The following SIRT3 variants were observed in gnomAD, a reference collection of about 807,000 sequenced individuals.
SIRT3 encodes the protein sirtuin 3.
In SIRT3, 26 loss-of-function variants were observed where a neutral mutation model predicts 33.5. The observed-to-expected ratio is 0.78, with a 90% CI of 0.57 to 1.08. The LOEUF (loss-of-function observed/expected upper bound fraction) is 1.08, where lower values mean the gene tolerates loss of function less well. SIRT3 is among the 50% of genes least tolerant of loss of function. SIRT3 has a pLI of 0.00. For synonymous variants in SIRT3, 237 were observed against 222.1 expected, an observed-to-expected ratio of 1.07 and a Z score of -0.60; for missense variants, 585 against 530.1, an observed-to-expected ratio of 1.10 and a Z score of -1.02.
At chr11:232,050 T>G (rs1435599204) in intron 3 of SIRT3, among the ~76,000 whole-genome samples, 1 of 152,148 alleles carries the variant, frequency 6.6e-6, no homozygotes, top group Admixed American at 6.5e-5. Context: ...GTGACCATAT[T>G]AAGGAATTAC....
At chr11:229,628 A>G (rs1483452764) in intron 4 of SIRT3, among the ~76,000 whole-genome samples, 1 of 149,396 alleles carries the variant, frequency 6.7e-6, no homozygotes, top group East Asian at 2.0e-4. Context: ...GCATGGTGGC[A>G]GGCACCTGTA....
At chr11:232,047 TATTAAGGAATTA>T in intron 3 of SIRT3, among the ~76,000 whole-genome samples, 1 of 152,226 alleles carries the variant, frequency 6.6e-6, no homozygotes, top group Non-Finnish European at 1.5e-5. Flanking sequence ...AGTGTGACCA[TATTAAGGAATTA>T]CTAGTGATTC....
In SIRT3 at chr11:233,056, G is replaced by C; in HGVS notation, c.633C>G (p.Tyr211Ter). 1 of 1,614,180 alleles carries C rather than the reference G, an allele frequency of 6.2e-7. No individual in the cohort carries two copies. ...PGNYKPNVTH[Y>*]FLRLLHDKGL... ...CCTTGTCATGAAGCAGCCGGAGAAA[G>C]TAGTGAGTGACGTTGGGCTTGTAGT... Residue 211 changes from tyrosine (Y) to a stop codon, truncating the protein, a stop_gained, in exon 3 of 7, where the codon TAC becomes TAG. Coordinates refer to ENST00000382743, the MANE Select transcript of SIRT3 (RefSeq NM_012239.6). LOFTEE classifies it high-confidence loss of function.
At chr11:225,920 GA>G (rs2133873742) in intron 4 of SIRT3, 1 of 152,334 alleles carries the variant, frequency 6.6e-6, no homozygotes, top group African/African-American at 2.4e-5. Flanking sequence ...GTGCCCACAG[GA>G]AAAACATGAG....
At position 223,248 on chromosome 11, in the gene SIRT3, C is replaced by A. The variant is rs1856670807; in HGVS notation, c.969+830G>T. 1.2e-5 allele frequency: 2 copies of A among 167,720 alleles called. No individual in the cohort carries two copies. The highest frequency in any genetic ancestry group is 2.6e-5 in the Non-Finnish European group (2 of 77,344). 10.4% of individuals were successfully genotyped at this position (167,720 alleles called of 1,614,324 possible). ...AACAGCTGCTTGAACACATCCAGGG[C>A]ATGTTTCCCGACACCTCAGACACAC... On this transcript the variant is annotated intron_variant, in intron 5 of 6. Transcript: ENST00000382743. This position sits in a 1 kb window ranked among gnomAD's most constrained non-coding sequence, Gnocchi z 4.8.
intron 4 of SIRT3, among the ~76,000 whole-genome samples, chr11:229,928 G>C (rs1857684665): frequency 2.0e-5 from 3 of 152,196 alleles, no homozygotes; most frequent in Admixed American, 2.0e-4. Context: ...ACCCATCCAT[G>C]TACAAACAAA....
intron 1 of SIRT3, among the ~76,000 whole-genome samples, chr11:234,636 C>G (rs563052096): frequency 6.6e-6 from 1 of 152,102 alleles, no homozygotes; most frequent in Admixed American, 6.5e-5. Flanking sequence ...AGGATGGTCT[C>G]GATCTCCTGA....
chr11:236,302 C>T lies in SIRT3; in HGVS notation c.27G>A (p.Ala9=), dbSNP rs566542769. 179 of 1,523,432 alleles carry T rather than the reference C, an allele frequency of 1.2e-4. 1 individual carries two copies. The South Asian group carries it at 2.0e-3, about 17-fold the overall frequency. The allele number at this position is 1,523,432 out of a possible 1,614,324, so 94.4% of individuals were successfully genotyped here. Residue 9 remains alanine, a synonymous_variant, in exon 1 of 7, where the codon GCG becomes GCA. Coordinates refer to ENST00000382743, the MANE Select transcript of SIRT3 (RefSeq NM_012239.6). MAFWGWRA[A]AALRLWGRVV... ...CCCGGCCCCACAGCCGGAGGGCTGCCGCGGCGCGCCAACCCCAGAACGCCA... is the reference window on the plus strand; with the variant it reads ...CCCGGCCCCACAGCCGGAGGGCTGCTGCGGCGCGCCAACCCCAGAACGCCA...
chr11:221,770 C>T (rs1250584478), intron 5 of SIRT3, among the ~76,000 whole-genome samples: 1 of 152,220 alleles, frequency 6.6e-6, no homozygotes, highest in East Asian at 1.9e-4. Flanking sequence ...AAACTGTTGG[C>T]ATTAACAACG....
In SIRT3 at chr11:224,118, G is replaced by A; in HGVS notation, c.929C>T (p.Pro310Leu). Residue 310 changes from proline to leucine, a missense_variant, in exon 5 of 7, where the codon CCC (proline) becomes CTC (leucine). Transcript: ENST00000382743. ...AAGGATGAGCAGCAGATCTGCCATG[G>A]GGAAATCAACCACATGCAGCAAGAA... is the stretch of plus-strand genomic sequence containing the variant. ...QRFLLHVVDF[P>L]MADLLLILGT... The A allele has an allele frequency of 6.2e-7, 1 of 1,614,214 alleles. No individual in the cohort carries two copies.
chr11:218,860 C>T lies in SIRT3; in HGVS notation c.1151G>A (p.Arg384Gln). 2.5e-6 allele frequency: 4 copies of T among 1,614,180 alleles called. No homozygotes were observed. The highest frequency in any genetic ancestry group is 1.6e-4 in the Middle Eastern group (1 of 6,062). Residue 384 changes from arginine (R) to glutamine (Q), a missense_variant, in exon 6 of 7, where the codon CGG becomes CAG. By Grantham distance (43) the Arg-to-Gln change is conservative. Transcript: ENST00000382743. ...VELLGWTEEM[R>Q]DLVQRETGKL... ...CCCAGTTTCCCGCTGCACAAGGTCC[C>T]GCATCTCTTCTGTCCAGCCCAGAAG...
At chr11:218,672 T>C (rs917609729) in intron 6 of SIRT3, 160 bp downstream of exon 6, 33 of 1,325,732 alleles carry the variant, frequency 2.5e-5, no homozygotes, top group Non-Finnish European at 3.1e-5. Flanking sequence ...GTATTGAAAG[T>C]AACACCCAGT....
At position 223,040 on chromosome 11, in the gene SIRT3, A is replaced by G. The variant is rs1288175301; in HGVS notation, c.969+1038T>C. On this transcript the variant is annotated intron_variant, in intron 5 of 6. Transcript: ENST00000382743. The surrounding 1 kb of genome is among the most constrained non-coding windows in gnomAD (Gnocchi z 4.8). ...CTGGAGCAGGGCCCAGCACACAATG[A>G]ATGCCTGAACAAACACATGCTCTGG... The G allele has an allele frequency of 6.5e-5, 10 of 152,680 alleles. No individual in the cohort carries two copies. The highest frequency in any genetic ancestry group is 6.5e-4 in the Admixed American group (10 of 15,308). 9.5% of individuals were successfully genotyped at this position (152,680 alleles called of 1,614,324 possible).
upstream of SIRT3, chr11:236,649 C>G (rs150327619): frequency 3.4e-3 from 815 of 241,962 alleles, 6 homozygotes; most frequent in African/African-American, 0.018. Flanking sequence ...ATAGTTAATA[C>G]TTTCTGAGCG....
At position 215,259 on chromosome 11, in the gene SIRT3, T is replaced by G. The variant is rs1012625142; in HGVS notation, c.*1439A>C. 1.3e-5 allele frequency: 2 copies of G among 152,774 alleles called. No individual in the cohort carries two copies. Among genetic ancestry groups the G allele is most frequent in the Non-Finnish European group, 2.9e-5 (2 of 68,532 alleles). 9.5% of individuals were successfully genotyped at this position (152,774 alleles called of 1,614,324 possible). ...CAACATAGCAAAACCTTGTCTCTAT[T>G]ACAAATATGCCCATGTGCTAGGTGT... On this transcript the variant is annotated 3_prime_UTR_variant, in exon 7 of 7. Coordinates refer to ENST00000382743, the MANE Select transcript of SIRT3 (RefSeq NM_012239.6).
intron 3 of SIRT3, among the ~76,000 whole-genome samples, chr11:232,551 G>C (rs1295284476): frequency 1.3e-5 from 2 of 152,186 alleles, no homozygotes; most frequent in African/African-American, 4.8e-5. Flanking sequence ...GAAGAAGGTG[G>C]TGAGGACGCA....
intron 3 of SIRT3, among the ~76,000 whole-genome samples, chr11:232,409 ACCTGTAATCCGG>A (rs1344552118): frequency 2.0e-5 from 3 of 152,004 alleles, no homozygotes; most frequent in Non-Finnish European, 4.4e-5. Flanking sequence ...GTGATCCCAC[ACCTGTAATCCGG>A]CACCCGGCCG....
At chr11:230,238 T>G (rs562262749) in intron 4 of SIRT3, among the ~76,000 whole-genome samples, 1 of 150,684 alleles carries the variant, frequency 6.6e-6, no homozygotes, top group Non-Finnish European at 1.5e-5. Context: ...AGTGGGCAGC[T>G]GGAATTGGCT....
rs1856691700 is a variant in SIRT3 at position 223,358 on chromosome 11, T to G, written c.969+720A>C. 2 of 216,862 alleles carry G rather than the reference T, an allele frequency of 9.2e-6. No homozygotes were observed. The highest frequency in any genetic ancestry group is 2.6e-4 in the East Asian group (2 of 7,782). The allele number at this position is 216,862 out of a possible 1,614,324, so 13.4% of individuals were successfully genotyped here. On this transcript the variant is annotated intron_variant, in intron 5 of 6. Coordinates refer to ENST00000382743, the MANE Select transcript of SIRT3 (RefSeq NM_012239.6). This position sits in a 1 kb window ranked among gnomAD's most constrained non-coding sequence, Gnocchi z 4.8. ...CTTACAGACCAAGCCAGACGCCTCC[T>G]TCTCACGTCCCCAAAACATCACAGA...
Sources: gnomAD v4.1 joint callset for allele counts (sites outside exome capture counted in the v4.1 genomes callset) on GRCh38, gnomAD v4.1.1 for gene constraint, Gnocchi (gnomAD v3.1) non-coding constraint, MANE v1.5 for transcripts, NCBI Gene and HGNC (gene_info 2026-07-23, HGNC 2026-07-21) for gene names.